The following GALNT5 variants were observed in gnomAD, a reference collection of about 807,000 sequenced individuals.
GALNT5 encodes UDP-GalNAc:polypeptide N-acetylgalactosaminyltransferase 5.
In GALNT5, 72 loss-of-function variants were observed where a neutral mutation model predicts 85.4. The observed-to-expected ratio is 0.84, with a 90% CI of 0.70 to 1.03. The LOEUF is 1.03. Ranked by LOEUF, GALNT5 falls within the 50% of genes least tolerant of loss-of-function variation. The pLI is 0.00. For synonymous variants in GALNT5, 404 were observed against 397.0 expected (o/e 1.02, Z -0.21); for missense variants, 1,137 against 1,135.5 (o/e 1.00, Z -0.02).
At chr2:157,306,068 G>A (rs1222199451) in intron 8 of GALNT5, among the ~76,000 whole-genome samples, 2 of 152,210 alleles carry the variant, frequency 1.3e-5, no homozygotes, top group East Asian at 1.9e-4. Context: ...TTGCAAAAGC[G>A]TGTTAACGTC....
In GALNT5 at chr2:157,295,931, A is replaced by G. The variant is rs1022501055; in HGVS notation, c.1877+133A>G. 22 of 634,400 alleles carry G rather than the reference A, an allele frequency of 3.5e-5. No individual in the cohort carries two copies. In the African/African-American group the frequency reaches 4.0e-4, roughly 12 times the overall value. 39.3% of individuals were successfully genotyped at this position (634,400 alleles called of 1,614,324 possible). On this transcript the variant is annotated intron_variant, in intron 4 of 9. Transcript: ENST00000259056. ...ATATACAGTTTATCTACTTAAATAA[A>G]TGGAAAAACATGGTCGATATCTTGG...
At chr2:157,300,564 G>T (rs1574032369) in intron 6 of GALNT5, 112 bp from the exon 7 acceptor site, 1 of 774,602 alleles carries the variant, frequency 1.3e-6, no homozygotes, top group Non-Finnish European at 2.1e-6. Flanking sequence ...TGTTTTTGAA[G>T]TTGAGTATTA....
intron 4 of GALNT5, 124 bp downstream of exon 4, chr2:157,295,922 C>T (rs1223977528): frequency 2.9e-6 from 2 of 679,568 alleles, no homozygotes; most frequent in Non-Finnish European, 4.9e-6. Context: ...AGTTTATCTA[C>T]TTAAATAAAT....
intron 1 of GALNT5, among the ~76,000 whole-genome samples, chr2:157,280,195 T>C (rs755283626): frequency 2.0e-5 from 3 of 152,250 alleles, no homozygotes; most frequent in Non-Finnish European, 2.9e-5. Flanking sequence ...CTGTGATTAT[T>C]ACCTCACCTG....
chr2:157,292,389 A>C (rs1378035468), intron 3 of GALNT5, among the ~76,000 whole-genome samples: 1 of 152,208 alleles, frequency 6.6e-6, no homozygotes. Context: ...AAGTGTCTGA[A>C]AGTAGAGCAA....
intron 1 of GALNT5, among the ~76,000 whole-genome samples, chr2:157,264,716 C>A (rs1447818494): frequency 6.6e-6 from 1 of 151,602 alleles, no homozygotes; most frequent in African/African-American, 2.4e-5. Context: ...CTAGTAGGGT[C>A]AAAAACTATA....
rs767586278 is a variant in GALNT5, at chr2:157,258,983, T to C, written c.901T>C (p.Leu301=). ...QSINETPLGS[L]SKDDGARGAH... is the part of the protein sequence containing the mutation. Reference sequence around the variant, plus strand: ...TATTAATGAGACACCTTTGGGAAGTTTGTCAAAGGATGATGGAGCTAGAGG... The same window carrying C: ...TATTAATGAGACACCTTTGGGAAGTCTGTCAAAGGATGATGGAGCTAGAGG... Residue 301 remains leucine, a synonymous_variant, in exon 1 of 10, where the codon TTG becomes CTG. Transcript: ENST00000259056. 5 of 1,500,036 alleles carry C rather than the reference T, an allele frequency of 3.3e-6. No individual in the cohort carries two copies. Among genetic ancestry groups the C allele is most frequent in the East Asian group, 2.3e-5 (1 of 43,874 alleles). 92.9% of individuals were successfully genotyped at this position (1,500,036 alleles called of 1,614,324 possible).
At chr2:157,272,098 T>C (rs1558891879) in intron 1 of GALNT5, among the ~76,000 whole-genome samples, 1 of 152,156 alleles carries the variant, frequency 6.6e-6, no homozygotes. Flanking sequence ...TTGCATCAAC[T>C]GCCATTGTAA....
intron 1 of GALNT5, among the ~76,000 whole-genome samples, chr2:157,265,751 C>T (rs1682444004): frequency 6.6e-6 from 1 of 152,134 alleles, no homozygotes; most frequent in African/African-American, 2.4e-5. Flanking sequence ...GCTCAAGGTT[C>T]AGAAAATTCA....
Position 157,305,746 on chromosome 2 carries a change from T to C in GALNT5, c.2440-3T>C, listed in dbSNP as rs765086252. On this transcript the variant is annotated splice_region_variant and splice_polypyrimidine_tract_variant and intron_variant, in intron 7 of 9. Coordinates refer to ENST00000259056, the MANE Select transcript of GALNT5 (RefSeq NM_014568.3). ...AATTCCTGTTTCGTATTTTGCTTTT[T>C]AGCTTATTAATGTGGCTTTGGGTAA... 5 of 1,570,674 alleles carry C rather than the reference T, an allele frequency of 3.2e-6. No homozygotes were observed. The highest frequency in any genetic ancestry group is 1.1e-5 in the South Asian group (1 of 89,794).
At position 157,283,626 on chromosome 2, in the gene GALNT5, G is replaced by T. The variant is rs1363410250; in HGVS notation, c.1455-656G>T. The stretch of plus-strand genomic sequence containing the variant: ...CATAAGTACATACACAAGCAGAATG[G>T]GAGAAAAGAATAAATCCCATGGCAG... On this transcript the variant is annotated intron_variant, in intron 1 of 9. Coordinates refer to ENST00000259056, the MANE Select transcript of GALNT5 (RefSeq NM_014568.3). Among the ~76,000 whole-genome samples, 3 of 152,102 alleles carry T rather than the reference G, an allele frequency of 2.0e-5. No individual in the cohort carries two copies. In the East Asian group the frequency reaches 5.8e-4, roughly 29 times the overall value.
chr2:157,272,749 G>C (rs1472344087), intron 1 of GALNT5, among the ~76,000 whole-genome samples: 1 of 152,138 alleles, frequency 6.6e-6, no homozygotes, highest in Non-Finnish European at 1.5e-5. Context: ...TGATATATAT[G>C]TATCACATTT....
intron 3 of GALNT5, among the ~76,000 whole-genome samples, chr2:157,288,764 A>G (rs1035519273): frequency 6.6e-6 from 1 of 152,084 alleles, no homozygotes; most frequent in African/African-American, 2.4e-5. Context: ...TAGAGAATGG[A>G]TATTAGGAAG....
chr2:157,298,323 G>A (rs1683260075), intron 5 of GALNT5, among the ~76,000 whole-genome samples: 1 of 152,104 alleles, frequency 6.6e-6, no homozygotes, highest in African/African-American at 2.4e-5. Flanking sequence ...TAAACCAGAA[G>A]GAAAACCCCA....
intron 1 of GALNT5, among the ~76,000 whole-genome samples, chr2:157,277,863 TATG>T (rs1174700906): frequency 1.3e-5 from 2 of 152,220 alleles, no homozygotes; most frequent in African/African-American, 4.8e-5. Flanking sequence ...ATCCTTTCAT[TATG>T]ATGTTAGCTG....
At chr2:157,277,923 T>C (rs552179281) in intron 1 of GALNT5, among the ~76,000 whole-genome samples, 2 of 152,352 alleles carry the variant, frequency 1.3e-5, no homozygotes, top group South Asian at 4.1e-4. Context: ...GCATCGATGG[T>C]CTTTACAATT....
rs1031001924 is a variant in GALNT5, at chr2:157,317,642, C to T, written c.*6294C>T. ...TTTTTAAGTACTTTTTCTTTTGCAT[C>T]TGATCGACTGAAGTTATTATAAAGA... is the stretch of plus-strand genomic sequence containing the variant. On this transcript the variant is annotated 3_prime_UTR_variant, in exon 10 of 10. Coordinates refer to ENST00000259056, the MANE Select transcript of GALNT5 (RefSeq NM_014568.3). 1.6e-4 allele frequency among the ~76,000 whole-genome samples: 24 copies of T among 152,252 alleles called. No individual in the cohort carries two copies. Among genetic ancestry groups the T allele is most frequent in the African/African-American group, 5.5e-4 (23 of 41,568 alleles).
chr2:157,259,575 G>T (rs749392291), intron 1 of GALNT5, 39 bp downstream of exon 1: 1 of 1,301,976 alleles, frequency 7.7e-7, no homozygotes, highest in East Asian at 2.8e-5. Flanking sequence ...AACCCCAAGT[G>T]CTTTGGCTGT....
intron 6 of GALNT5, among the ~76,000 whole-genome samples, chr2:157,300,231 G>C (rs191612364): frequency 6.6e-6 from 1 of 152,172 alleles, no homozygotes; most frequent in Non-Finnish European, 1.5e-5. Flanking sequence ...TGGGTGTTCT[G>C]TATGTATGTA....
Sources: allele counts gnomAD v4.1 joint callset (sites outside exome capture counted in the v4.1 genomes callset), GRCh38; gene constraint gnomAD v4.1.1; transcripts MANE v1.5; gene names NCBI Gene and HGNC (gene_info 2026-07-23, HGNC 2026-07-21).